Variants in GPD2 observed in about 807,000 individuals in gnomAD.
The protein encoded by GPD2 is glycerol-3-phosphate dehydrogenase, mitochondrial.
Under a neutral mutation model 82.4 loss-of-function variants are expected in GPD2, and 54 were observed. The ratio of observed to expected loss-of-function variants is 0.66; its 90% CI spans 0.53 to 0.82. The LOEUF (loss-of-function observed/expected upper bound fraction) is 0.82, where lower values mean the gene tolerates loss of function less well. Ranked by LOEUF, GPD2 falls within the 40% of genes least tolerant of loss-of-function variation. The pLI is 0.00. For synonymous variants in GPD2, 288 were observed against 306.1 expected, an observed-to-expected ratio of 0.94 and a Z score of 0.62; for missense variants, 748 against 896.2, an observed-to-expected ratio of 0.83 and a Z score of 2.11.
At position 156,578,927 on chromosome 2, in the gene GPD2, A is replaced by G. The variant is rs774528549; in HGVS notation, c.1806A>G (p.Glu602=). The G allele has an allele frequency of 6.2e-6, 10 of 1,611,460 alleles. No individual in the cohort carries two copies. Among genetic ancestry groups the G allele is most frequent in the Non-Finnish European group, 7.6e-6 (9 of 1,177,850 alleles). Residue 602 remains glutamate, a synonymous_variant, in exon 14 of 17, where the codon GAA becomes GAG. Transcript: ENST00000438166. ...LETARKFLYY[E]MGYKSRSEQL... is the part of the protein sequence containing the mutation. ...CAGCCAGGAAGTTTCTATATTATGA[A>G]ATGGGCTATAAATCTCGATCAGAAC...
intron 4 of GPD2, among the ~76,000 whole-genome samples, chr2:156,511,152 A>T (rs1424199847): frequency 1.3e-5 from 2 of 152,218 alleles, no homozygotes; most frequent in Non-Finnish European, 2.9e-5. Flanking sequence ...GAAGTAGCAG[A>T]TTTACAAAAT....
In GPD2 at chr2:156,583,062, G is replaced by A. The variant is rs1376181826; in HGVS notation, c.*144G>A. 1 of 853,356 alleles carries A rather than the reference G, an allele frequency of 1.2e-6. No individual in the cohort carries two copies. The highest frequency in any genetic ancestry group is 1.9e-6 in the Non-Finnish European group (1 of 520,362). 52.9% of individuals were successfully genotyped at this position (853,356 alleles called of 1,614,324 possible). ...AGAAAACATTCCAAAACTTTAAGGT[G>A]TTGGTGTATTTGCCAGCTTTATTTG... is the stretch of plus-strand genomic sequence containing the variant. On this transcript the variant is annotated 3_prime_UTR_variant, in exon 17 of 17. Transcript: ENST00000438166.
chr2:156,512,423 A>G (rs1685035781), intron 5 of GPD2, 106 bp downstream of exon 5: 2 of 750,394 alleles, frequency 2.7e-6, no homozygotes, highest in African/African-American at 1.7e-5. Flanking sequence ...TGTGGTTTTA[A>G]TTGGTCCTAA....
chr2:156,460,640 A>G (rs1029029207), intron 1 of GPD2, among the ~76,000 whole-genome samples: 1 of 152,150 alleles, frequency 6.6e-6, no homozygotes, highest in Non-Finnish European at 1.5e-5. Flanking sequence ...GCAAATTATA[A>G]TGAGTTGTGG....
chr2:156,520,117 T>C (rs1685345879), intron 6 of GPD2, among the ~76,000 whole-genome samples: 1 of 152,224 alleles, frequency 6.6e-6, no homozygotes, highest in South Asian at 2.1e-4. Context: ...ACCGTCCAGC[T>C]GCCTCTTCTT....
intron 2 of GPD2, among the ~76,000 whole-genome samples, chr2:156,477,773 A>G (rs1683565194): frequency 6.6e-6 from 1 of 152,182 alleles, no homozygotes. Context: ...TCATCCATTG[A>G]TCATGCTTGA....
chr2:156,450,932 T>C lies in GPD2; in HGVS notation c.-9+14419T>C, dbSNP rs544661042. On this transcript the variant is annotated intron_variant, in intron 1 of 16. Coordinates refer to ENST00000438166, the MANE Select transcript of GPD2 (RefSeq NM_000408.5). ...CATCTTGCACCGCCCTTAATCCATT[T>C]AACCCTGAGTGGACACAGCACATGT... Among the ~76,000 whole-genome samples the C allele has an allele frequency of 1.2e-3, 161 of 131,620 alleles. 1 individual carries two copies. Among genetic ancestry groups the C allele is most frequent in the African/African-American group, 3.9e-3 (137 of 35,196 alleles). The allele number at this position is 131,620 out of a possible 152,430, so 86.3% of individuals were successfully genotyped here.
chr2:156,570,014 G>A, intron 11 of GPD2, 73 bp from the exon 12 acceptor site: 1 of 1,252,146 alleles, frequency 8.0e-7, no homozygotes, highest in Admixed American at 1.7e-5. Flanking sequence ...AGATAAGCAT[G>A]TGTGCTTTTT....
At chr2:156,407,049 A>T in the GPD2 span, among the ~76,000 whole-genome samples, 1 of 151,988 alleles carries the variant, frequency 6.6e-6, no homozygotes. Context: ...CGTCTCTACT[A>T]AAAAATACAA....
At chr2:156,469,400 A>G (rs531271563) in intron 1 of GPD2, among the ~76,000 whole-genome samples, 1 of 152,266 alleles carries the variant, frequency 6.6e-6, no homozygotes, top group East Asian at 1.9e-4. Flanking sequence ...TCGGAACTCA[A>G]GTGATCTGCC....
intron 3 of GPD2, among the ~76,000 whole-genome samples, chr2:156,499,557 GA>G (rs1684511368): frequency 6.6e-6 from 1 of 152,016 alleles, no homozygotes; most frequent in Non-Finnish European, 1.5e-5. Context: ...TTCACCTTCT[GA>G]AAAGTCTTAC....
At chr2:156,560,074 A>G (rs1687112338) in intron 9 of GPD2, among the ~76,000 whole-genome samples, 1 of 152,262 alleles carries the variant, frequency 6.6e-6, no homozygotes, top group African/African-American at 2.4e-5. Flanking sequence ...AGAGAACTCA[A>G]TGTTGACAGT....
At position 156,568,842 on chromosome 2, in the gene GPD2, C is replaced by T; in HGVS notation, c.1183C>T (p.Leu395=). 1 of 1,612,806 alleles carries T rather than the reference C, an allele frequency of 6.2e-7. No homozygotes were observed. Among genetic ancestry groups the T allele is most frequent in the Non-Finnish European group, 8.5e-7 (1 of 1,178,982 alleles). The change falls in exon 10 of 17, where the codon CTG becomes TTG. Residue 395 remains leucine, a synonymous_variant. Transcript: ENST00000438166. ...CCTACCAGTGAGAAGAGGGGATGTC[C>T]TGGCAGCATGGAGTGGAATCCGTCC... ...CDVEVRRGDV[L]AAWSGIRPLV... is the part of the protein sequence containing the mutation.
chr2:156,525,277 T>C (rs1685561727), intron 6 of GPD2, among the ~76,000 whole-genome samples: 1 of 152,238 alleles, frequency 6.6e-6, no homozygotes, highest in Non-Finnish European at 1.5e-5. Flanking sequence ...CTTCCTGCAG[T>C]TGGCCCCTGA....
chr2:156,424,317 A>T, the GPD2 span, among the ~76,000 whole-genome samples: 1 of 152,254 alleles, frequency 6.6e-6, no homozygotes, highest in South Asian at 2.1e-4. Context: ...CAGATGTTGC[A>T]ATTTAATAAT....
intron 1 of GPD2, among the ~76,000 whole-genome samples, chr2:156,454,031 G>A (rs1191113481): frequency 6.6e-6 from 1 of 152,216 alleles, no homozygotes; most frequent in African/African-American, 2.4e-5. Context: ...AAAGTCTAAT[G>A]GCATAAACTT....
intron 3 of GPD2, among the ~76,000 whole-genome samples, chr2:156,504,726 A>C (rs1490832920): frequency 6.6e-6 from 1 of 152,080 alleles, no homozygotes; most frequent in African/African-American, 2.4e-5. Context: ...AATTAATAGA[A>C]TATTATCCAC....
At chr2:156,458,636 G>A (rs1682868259) in intron 1 of GPD2, among the ~76,000 whole-genome samples, 1 of 151,946 alleles carries the variant, frequency 6.6e-6, no homozygotes, top group Non-Finnish European at 1.5e-5. Flanking sequence ...TTTCTATATG[G>A]GTCTTTTACT....
intron 1 of GPD2, among the ~76,000 whole-genome samples, chr2:156,442,464 G>T (rs1010589549): frequency 2.0e-5 from 3 of 152,286 alleles, no homozygotes; most frequent in East Asian, 3.9e-4. Flanking sequence ...AAATAATGCA[G>T]TTCAGAGTAC....
Sources: allele counts gnomAD v4.1 joint callset (sites outside exome capture counted in the v4.1 genomes callset), GRCh38; gene constraint gnomAD v4.1.1; transcripts MANE v1.5; gene names NCBI Gene and HGNC (gene_info 2026-07-23, HGNC 2026-07-21).